The following HPSE2 variants were observed in gnomAD, a reference collection of about 807,000 sequenced individuals.
HPSE2 encodes the protein inactive heparanase-2.
HPSE2 carries 38 observed loss-of-function variants against 60.5 expected under a neutral mutation model. The observed-to-expected ratio is 0.63, with a 90% CI of 0.48 to 0.82. The LOEUF (loss-of-function observed/expected upper bound fraction) is 0.82. Among genes scored for constraint, HPSE2 ranks in the 40% least tolerant of loss-of-function variants. The pLI, the probability that HPSE2 is intolerant of heterozygous loss-of-function variation, is 0.00. For synonymous variants in HPSE2, 295 were observed against 293.2 expected, an observed-to-expected ratio of 1.01 and a Z score of -0.06; for missense variants, 713 against 740.4, an observed-to-expected ratio of 0.96 and a Z score of 0.43.
chr10:98,817,449 A>G (rs1467712237), intron 3 of HPSE2, among the ~76,000 whole-genome samples: 3 of 152,196 alleles, frequency 2.0e-5, no homozygotes, highest in African/African-American at 7.2e-5. Context: ...GCTCTAAAAC[A>G]AAACAACCTG....
chr10:99,294,515 A>G, the HPSE2 span, among the ~76,000 whole-genome samples: 2 of 148,858 alleles, frequency 1.3e-5, no homozygotes, highest in Non-Finnish European at 3.0e-5. Flanking sequence ...TTGCTGCGCT[A>G]TATTTATTAT....
At position 98,872,005 on chromosome 10, in the gene HPSE2, C is replaced by T. The variant is rs141405925; in HGVS notation, c.611-127949G>A. Among the ~76,000 whole-genome samples the T allele has an allele frequency of 7.2e-5, 11 of 152,128 alleles. No individual in the cohort carries two copies. In the East Asian group the frequency reaches 1.9e-3, roughly 27 times the overall value. On this transcript the variant is annotated intron_variant, in intron 3 of 11. Coordinates refer to ENST00000370552, the MANE Select transcript of HPSE2 (RefSeq NM_021828.5). ...TTACTTCTTTGTCCTTGTTTATATCCCACCTCTATCCAGAAGAGAAACTTT... is the reference window on the plus strand; with the variant it reads ...TTACTTCTTTGTCCTTGTTTATATCTCACCTCTATCCAGAAGAGAAACTTT...
intron 6 of HPSE2, among the ~76,000 whole-genome samples, chr10:98,649,266 T>C (rs1946854137): frequency 6.6e-6 from 1 of 152,026 alleles, no homozygotes; most frequent in Non-Finnish European, 1.5e-5. Context: ...TAGGAGAAAA[T>C]AGAAAGGAGA....
chr10:99,305,974 C>T, the HPSE2 span, among the ~76,000 whole-genome samples: 4 of 112,782 alleles, frequency 3.5e-5, no homozygotes, highest in Admixed American at 2.6e-4. Context: ...CGCGCGCGCG[C>T]GCGCGCACAC....
intron 3 of HPSE2, among the ~76,000 whole-genome samples, chr10:98,929,843 C>G (rs564520695): frequency 1.4e-5 from 2 of 143,540 alleles, no homozygotes; most frequent in South Asian, 4.2e-4. Flanking sequence ...TTTCATGACA[C>G]AGAAAATTAT....
chr10:98,634,820 C>G (rs1285157660), intron 7 of HPSE2, among the ~76,000 whole-genome samples: 1 of 152,162 alleles, frequency 6.6e-6, no homozygotes, highest in Non-Finnish European at 1.5e-5. Context: ...ACAAACCATT[C>G]CTTTATCCAT....
chr10:99,311,062 T>C, the HPSE2 span, among the ~76,000 whole-genome samples: 2 of 152,236 alleles, frequency 1.3e-5, no homozygotes, highest in Admixed American at 1.3e-4. Context: ...GATCTATCAA[T>C]CATCCTATCA....
intron 3 of HPSE2, among the ~76,000 whole-genome samples, chr10:99,018,383 C>T (rs540239003): frequency 3.3e-4 from 51 of 152,290 alleles, no homozygotes; most frequent in African/African-American, 1.2e-3. Context: ...GTATTCTCTC[C>T]CAATCCTGAA....
chr10:98,692,538 G>C (rs546500929), intron 6 of HPSE2, among the ~76,000 whole-genome samples: 5 of 152,148 alleles, frequency 3.3e-5, no homozygotes, highest in African/African-American at 1.2e-4. Context: ...GGAGGCCGAG[G>C]TGGGTGGATC....
At chr10:99,219,828 T>C (rs1045618189) in intron 2 of HPSE2, among the ~76,000 whole-genome samples, 2 of 152,242 alleles carry the variant, frequency 1.3e-5, no homozygotes, top group African/African-American at 4.8e-5. Context: ...TCAAAAATGG[T>C]GACCTTCTGC....
intron 6 of HPSE2, among the ~76,000 whole-genome samples, chr10:98,654,909 AT>A (rs955652534): frequency 1.6e-4 from 25 of 152,224 alleles, no homozygotes; most frequent in African/African-American, 5.8e-4. Context: ...GCCCCCTAGT[AT>A]CCTTGTTTAT....
At chr10:98,509,317 C>T (rs942465939) in intron 9 of HPSE2, among the ~76,000 whole-genome samples, 1 of 151,370 alleles carries the variant, frequency 6.6e-6, no homozygotes, top group Non-Finnish European at 1.5e-5. Flanking sequence ...TCAAAAACAA[C>T]AACAACAAAA....
intron 2 of HPSE2, among the ~76,000 whole-genome samples, chr10:99,149,642 C>T (rs1453859948): frequency 6.6e-6 from 1 of 152,132 alleles, no homozygotes; most frequent in Non-Finnish European, 1.5e-5. Context: ...TCAATAATAA[C>T]ATCACATTGT....
At position 98,459,672 on chromosome 10, in the gene HPSE2, G is replaced by A. The variant is rs201787008; in HGVS notation, c.1681C>T (p.Arg561Cys). ...AATGTCCGGCCGGCCCGAAGGGGGC[G>A]GGGCTTCAATTCTGGGAGGGTCCCG... ...DDGTLPELKP[R>C]PLRAGRTLVI... Residue 561 changes from arginine to cysteine, a missense_variant, in exon 12 of 12, where the codon CGC (arginine) becomes TGC (cysteine). By Grantham distance (180) the Arg-to-Cys change is radical. Transcript: ENST00000370552. The A allele has an allele frequency of 1.3e-5, 21 of 1,613,998 alleles. No individual in the cohort carries two copies. The highest frequency in any genetic ancestry group is 7.7e-5 in the South Asian group (7 of 91,076).
At chr10:99,246,900 T>C in the HPSE2 span, among the ~76,000 whole-genome samples, 6 of 152,346 alleles carry the variant, frequency 3.9e-5, no homozygotes, top group East Asian at 1.2e-3. Context: ...AAGGGTTGCC[T>C]GCTGTAGAAA....
chr10:99,176,929 G>A (rs1325022320), intron 2 of HPSE2, among the ~76,000 whole-genome samples: 1 of 152,058 alleles, frequency 6.6e-6, no homozygotes, highest in Non-Finnish European at 1.5e-5. Context: ...TCTCTCTGCA[G>A]AAACCCTACA....
rs544386381 is a variant in HPSE2, at chr10:98,611,100, C to G, written c.1320+3804G>C. Among the ~76,000 whole-genome samples, 12 of 152,064 alleles carry G rather than the reference C, an allele frequency of 7.9e-5. No individual in the cohort carries two copies. In the East Asian group the frequency reaches 1.4e-3, roughly 17 times the overall value. On this transcript the variant is annotated intron_variant, in intron 9 of 11. Coordinates refer to ENST00000370552, the MANE Select transcript of HPSE2 (RefSeq NM_021828.5). Reference sequence around the variant, plus strand: ...CCCATTTTCCCAGTGTTGGGGGGGGCCAGGGGAAGGGAGTGGGAGTCGAGT... The same window carrying G: ...CCCATTTTCCCAGTGTTGGGGGGGGGCAGGGGAAGGGAGTGGGAGTCGAGT...
intron 2 of HPSE2, among the ~76,000 whole-genome samples, chr10:99,227,800 A>AAT (rs775717582): frequency 3.8e-4 from 57 of 148,194 alleles, no homozygotes; most frequent in African/African-American, 7.6e-4. Context: ...GGAAAGGTAA[A>AAT]ATATATATAT....
intron 7 of HPSE2, among the ~76,000 whole-genome samples, chr10:98,635,966 G>A (rs1351926354): frequency 6.6e-6 from 1 of 152,078 alleles, no homozygotes; most frequent in African/African-American, 2.4e-5. Flanking sequence ...TTCATATGTG[G>A]AAGCTAAGAA....
Sources: allele counts gnomAD v4.1 joint callset (sites outside exome capture counted in the v4.1 genomes callset), GRCh38; gene constraint gnomAD v4.1.1; transcripts MANE v1.5; gene names NCBI Gene and HGNC (gene_info 2026-07-23, HGNC 2026-07-21).